Variants in NRXN3 observed in about 807,000 individuals in gnomAD.
NRXN3 encodes the protein neurexin 3, also known as neurexin III.
Under a neutral mutation model 137.6 loss-of-function variants are expected in NRXN3, and 32 were observed. The observed-to-expected ratio is 0.23, with a 90% CI of 0.18 to 0.31. The LOEUF is 0.31. Among genes scored for constraint, NRXN3 ranks in the 10% least tolerant of loss-of-function variants. NRXN3 has a pLI of 1.00. For synonymous variants in NRXN3, 798 were observed against 784.5 expected (o/e 1.02, Z -0.29); for missense variants, 1,574 against 2,062.5 (o/e 0.76, Z 4.59).
chr14:78,864,788 T>C (rs1209657944), intron 10 of NRXN3, among the ~76,000 whole-genome samples: 1 of 152,106 alleles, frequency 6.6e-6, no homozygotes, highest in African/African-American at 2.4e-5. Flanking sequence ...TGGACAAAAG[T>C]GGGCATGGCC....
intron 8 of NRXN3, among the ~76,000 whole-genome samples, chr14:78,784,678 A>G (rs2098782951): frequency 1.3e-5 from 2 of 152,188 alleles, no homozygotes; most frequent in African/African-American, 4.8e-5. Context: ...AGAACCCACT[A>G]TTGAGAGCAA....
intron 8 of NRXN3, among the ~76,000 whole-genome samples, chr14:78,802,648 T>C (rs2098842945): frequency 1.3e-5 from 2 of 152,194 alleles, no homozygotes; most frequent in African/African-American, 4.8e-5. Context: ...AGGTATCAAA[T>C]AAAAGTGAGT....
chr14:78,577,370 T>C (rs1264708805), intron 4 of NRXN3, among the ~76,000 whole-genome samples: 3 of 152,222 alleles, frequency 2.0e-5, no homozygotes. Flanking sequence ...TTTGTGTAGA[T>C]GAAGATAAGG....
chr14:79,513,088 AC>A (rs2096948028), intron 16 of NRXN3, among the ~76,000 whole-genome samples: 1 of 152,246 alleles, frequency 6.6e-6, no homozygotes, highest in Non-Finnish European at 1.5e-5. Flanking sequence ...TTGCTGGGTA[AC>A]CTGGGGTATA....
At position 79,296,957 on chromosome 14, in the gene NRXN3, T is replaced by C. The variant is rs548419317; in HGVS notation, c.3263-170264T>C. ...TTTAGCCTCATCACTCAAAGGTCCTTCTGCCTTCTTGATTCCAGCGCCCTG... is the reference window on the plus strand; with the variant it reads ...TTTAGCCTCATCACTCAAAGGTCCTCCTGCCTTCTTGATTCCAGCGCCCTG... On this transcript the variant is annotated intron_variant, in intron 15 of 20. Coordinates refer to ENST00000335750, the MANE Select transcript of NRXN3 (RefSeq NM_001330195.2). Among the ~76,000 whole-genome samples the C allele has an allele frequency of 1.1e-3, 168 of 152,332 alleles. 1 individual carries two copies. Among genetic ancestry groups the C allele is most frequent in the African/African-American group, 3.9e-3 (164 of 41,580 alleles).
intron 16 of NRXN3, among the ~76,000 whole-genome samples, chr14:79,646,116 CT>C (rs1487640671): frequency 7.4e-6 from 1 of 135,888 alleles, no homozygotes; most frequent in African/African-American, 2.5e-5. Context: ...TGACAGGCAA[CT>C]CTGCCTGAAC....
intron 17 of NRXN3, among the ~76,000 whole-genome samples, chr14:79,668,259 A>T (rs192504894): frequency 2.6e-5 from 4 of 152,206 alleles, no homozygotes; most frequent in Admixed American, 2.0e-4. Context: ...ACTTGTCTTT[A>T]TAGGGGTTGG....
intron 15 of NRXN3, among the ~76,000 whole-genome samples, chr14:79,263,077 C>G (rs1408117489): frequency 6.6e-6 from 1 of 152,178 alleles, no homozygotes; most frequent in East Asian, 1.9e-4. Flanking sequence ...GAGGCACTCA[C>G]TACCTCTTGG....
At chr14:79,550,208 A>G (rs1284895291) in intron 16 of NRXN3, among the ~76,000 whole-genome samples, 1 of 151,976 alleles carries the variant, frequency 6.6e-6, no homozygotes, top group African/African-American at 2.4e-5. Flanking sequence ...TGACCTCATG[A>G]TCCACCCGCC....
At chr14:79,257,874 G>A (rs1229133393) in intron 15 of NRXN3, among the ~76,000 whole-genome samples, 9 of 151,666 alleles carry the variant, frequency 5.9e-5, no homozygotes, top group South Asian at 4.2e-4. Flanking sequence ...CTTATAGGCC[G>A]AGAAATTATA....
intron 16 of NRXN3, among the ~76,000 whole-genome samples, chr14:79,523,520 C>T (rs1005546196): frequency 5.9e-5 from 9 of 152,136 alleles, no homozygotes; most frequent in Non-Finnish European, 1.3e-4. Flanking sequence ...GCTTCCCTTC[C>T]ACCTCCACTA....
At chr14:78,387,905 C>T (rs1442487077) in intron 4 of NRXN3, among the ~76,000 whole-genome samples, 1 of 152,158 alleles carries the variant, frequency 6.6e-6, no homozygotes, top group African/African-American at 2.4e-5. Context: ...ATTCTTGGAC[C>T]ACATGGTGGC....
intron 16 of NRXN3, among the ~76,000 whole-genome samples, chr14:79,563,362 G>A (rs894612344): frequency 1.3e-5 from 2 of 151,992 alleles, no homozygotes; most frequent in Non-Finnish European, 2.9e-5. Flanking sequence ...GTGCCCTAAG[G>A]CCTGGCAGCT....
At chr14:79,737,542 G>T (rs574727369) in intron 19 of NRXN3, among the ~76,000 whole-genome samples, 1 of 152,096 alleles carries the variant, frequency 6.6e-6, no homozygotes, top group Admixed American at 6.6e-5. Context: ...TCTCAGCACG[G>T]AGTTTATATT....
intron 4 of NRXN3, among the ~76,000 whole-genome samples, chr14:78,316,760 C>G (rs2078752146): frequency 6.6e-6 from 1 of 152,194 alleles, no homozygotes; most frequent in Non-Finnish European, 1.5e-5. Flanking sequence ...TCCAGTAACT[C>G]ACATGATATG....
At chr14:79,000,812 C>G (rs573517407) in intron 15 of NRXN3, among the ~76,000 whole-genome samples, 119 of 152,164 alleles carry the variant, frequency 7.8e-4, no homozygotes, top group African/African-American at 2.8e-3. Context: ...CAGAGCAAAT[C>G]AAAAATAATA....
At chr14:79,808,932 A>G (rs2099221461) in intron 20 of NRXN3, among the ~76,000 whole-genome samples, 1 of 152,192 alleles carries the variant, frequency 6.6e-6, no homozygotes, top group African/African-American at 2.4e-5. Context: ...TAATCTTATT[A>G]TATTTAGGAA....
chr14:79,020,011 G>A (rs564868686), intron 15 of NRXN3, among the ~76,000 whole-genome samples: 4 of 152,218 alleles, frequency 2.6e-5, no homozygotes, highest in African/African-American at 9.6e-5. Context: ...GAAGAAGGCA[G>A]GAACTGATGG....
At chr14:79,623,605 C>T (rs1273201283) in intron 16 of NRXN3, among the ~76,000 whole-genome samples, 2 of 152,204 alleles carry the variant, frequency 1.3e-5, no homozygotes, top group Non-Finnish European at 1.5e-5. Flanking sequence ...ATATACTCAA[C>T]TGCAACTTTA....
Sources: allele counts gnomAD v4.1 joint callset (sites outside exome capture counted in the v4.1 genomes callset), GRCh38; gene constraint gnomAD v4.1.1; transcripts MANE v1.5; gene names NCBI Gene and HGNC (gene_info 2026-07-23, HGNC 2026-07-21).